Variants in ETV6 observed in about 807,000 individuals in gnomAD.
ETV6 encodes the protein ETS variant transcription factor 6, also known as transcription factor ETV6.
A neutral mutation model predicts 51.1 loss-of-function variants in ETV6; 16 were observed. The ratio of observed to expected loss-of-function variants is 0.31; its 90% confidence interval spans 0.21 to 0.48. The LOEUF (loss-of-function observed/expected upper bound fraction) is 0.48. Ranked by LOEUF, ETV6 falls within the 20% of genes least tolerant of loss-of-function variation. The pLI is 0.99. For synonymous variants in ETV6, 240 were observed against 224.1 expected (o/e 1.07, Z -0.64); for missense variants, 458 against 594.8 (o/e 0.77, Z 2.39).
At chr12:11,770,115 G>A (rs2136350748) in intron 2 of ETV6, among the ~76,000 whole-genome samples, 1 of 152,256 alleles carries the variant, frequency 6.6e-6, no homozygotes, top group East Asian at 1.9e-4. Flanking sequence ...CTTCTTCATA[G>A]CCGTTGCTCT....
chr12:11,796,975 C>T (rs1249534750), intron 2 of ETV6, among the ~76,000 whole-genome samples: 2 of 152,092 alleles, frequency 1.3e-5, no homozygotes, highest in Admixed American at 1.3e-4. Flanking sequence ...TTTGTAGACA[C>T]AAGGTCTCAC....
At chr12:11,714,471 A>G (rs1215654143) in intron 1 of ETV6, among the ~76,000 whole-genome samples, 5 of 152,122 alleles carry the variant, frequency 3.3e-5, no homozygotes, top group African/African-American at 1.2e-4. Context: ...CATGTATTTG[A>G]TTAGGGGCCT....
In ETV6 at chr12:11,811,417, G is replaced by A. The variant is rs115141792; in HGVS notation, c.164-27723G>A. ...GGTTTCAGATTTCCAGAAAGGACTC[G>A]CTGCCTTCGAAACACTTCCCAGCCC... On this transcript the variant is annotated intron_variant, in intron 2 of 7. Transcript: ENST00000396373. Among the ~76,000 whole-genome samples the A allele has an allele frequency of 8.0e-3, 1,218 of 152,274 alleles. 14 individuals are homozygous for A. The highest frequency in any genetic ancestry group is 0.028 in the African/African-American group (1,162 of 41,548).
chr12:11,824,996 A>G (rs1350309324), intron 2 of ETV6, among the ~76,000 whole-genome samples: 1 of 152,264 alleles, frequency 6.6e-6, no homozygotes, highest in Non-Finnish European at 1.5e-5. Flanking sequence ...TAGTGAGGTC[A>G]AATCCCACAC....
intron 1 of ETV6, among the ~76,000 whole-genome samples, chr12:11,742,202 A>T (rs1029928696): frequency 1.8e-4 from 27 of 152,238 alleles, no homozygotes; most frequent in Admixed American, 1.6e-3. Flanking sequence ...GTTGTCATGC[A>T]CACACACTTC....
chr12:11,819,314 G>A (rs1445832090), intron 2 of ETV6, among the ~76,000 whole-genome samples: 1 of 152,140 alleles, frequency 6.6e-6, no homozygotes, highest in Non-Finnish European at 1.5e-5. Context: ...AGATACCACT[G>A]TCCTCTGACT....
At chr12:11,661,802 CTT>C (rs1317680021) in intron 1 of ETV6, among the ~76,000 whole-genome samples, 1 of 152,206 alleles carries the variant, frequency 6.6e-6, no homozygotes, top group Non-Finnish European at 1.5e-5. Flanking sequence ...TGTTCTGCCT[CTT>C]TGCATTTCTG....
intron 5 of ETV6, among the ~76,000 whole-genome samples, chr12:11,871,043 G>A (rs1470281975): frequency 6.6e-6 from 1 of 152,042 alleles, no homozygotes; most frequent in Non-Finnish European, 1.5e-5. Context: ...AGGAGAGAAC[G>A]GACCTGTTCA....
chr12:11,884,949 T>A (rs556309643), intron 6 of ETV6, among the ~76,000 whole-genome samples: 1 of 152,248 alleles, frequency 6.6e-6, no homozygotes, highest in South Asian at 2.1e-4. Flanking sequence ...CTTTGGGAAG[T>A]GCCACTACTT....
chr12:11,791,970 C>T (rs2136388216), intron 2 of ETV6, among the ~76,000 whole-genome samples: 1 of 152,260 alleles, frequency 6.6e-6, no homozygotes, highest in Admixed American at 6.5e-5. Context: ...ATTTTGAGAA[C>T]CCCGTTGGGA....
intron 2 of ETV6, among the ~76,000 whole-genome samples, chr12:11,800,412 G>T (rs1945729863): frequency 6.6e-6 from 1 of 151,952 alleles, no homozygotes; most frequent in Non-Finnish European, 1.5e-5. Context: ...TGTTTTTTGT[G>T]GTGAGAACAT....
In ETV6 at chr12:11,893,351, T is replaced by G; in HGVS notation, c.*2305T>G. ...CAAGTGCAAGAACTCAGTCTCTTAC[T>G]GTTCAAAGAATCTTAACAGTTGAAT... On this transcript the variant is annotated 3_prime_UTR_variant, in exon 8 of 8. Coordinates refer to ENST00000396373, the MANE Select transcript of ETV6 (RefSeq NM_001987.5). The G allele has an allele frequency of 5.1e-6, 1 of 195,692 alleles. No individual in the cohort carries two copies. Among genetic ancestry groups the G allele is most frequent in the Non-Finnish European group, 9.9e-6 (1 of 100,822 alleles). The allele number at this position is 195,692 out of a possible 1,614,324, so 12.1% of individuals were successfully genotyped here.
chr12:11,753,651 G>A (rs993753146), intron 2 of ETV6, among the ~76,000 whole-genome samples: 1 of 152,230 alleles, frequency 6.6e-6, no homozygotes, highest in Admixed American at 6.5e-5. Flanking sequence ...AGGAGACAGA[G>A]GATGCAGGTT....
At chr12:11,843,511 T>G (rs919632277) in intron 3 of ETV6, among the ~76,000 whole-genome samples, 23 of 152,186 alleles carry the variant, frequency 1.5e-4, no homozygotes, top group African/African-American at 5.5e-4. Context: ...CCTTCCATTC[T>G]TAACAGTTCA....
intron 1 of ETV6, among the ~76,000 whole-genome samples, chr12:11,674,736 G>A (rs1191930178): frequency 6.6e-6 from 1 of 151,608 alleles, no homozygotes; most frequent in Non-Finnish European, 1.5e-5. Flanking sequence ...TTCCAGGAAA[G>A]CATGAGTGTC....
At chr12:11,784,862 A>ATTTTTT (rs34004409) in intron 2 of ETV6, among the ~76,000 whole-genome samples, 15 of 85,752 alleles carry the variant, frequency 1.7e-4, no homozygotes, top group South Asian at 8.9e-4. Context: ...TGCCTTGCTA[A>ATTTTTT]TTTTTTTTTT....
rs79663578 is a variant in ETV6, at chr12:11,891,471, T to A, written c.*425T>A. ...AAATATATATCTATTATATATATATTTTTTGCAAATCTCACAAAGTGCGGC... is the reference window on the plus strand; with the variant it reads ...AAATATATATCTATTATATATATATATTTTGCAAATCTCACAAAGTGCGGC... On this transcript the variant is annotated 3_prime_UTR_variant, in exon 8 of 8. Transcript: ENST00000396373. The A allele has an allele frequency of 8.6e-6, 4 of 463,712 alleles. No homozygotes were observed. Among genetic ancestry groups the A allele is most frequent in the Non-Finnish European group, 1.6e-5 (4 of 246,750 alleles). 28.7% of individuals were successfully genotyped at this position (463,712 alleles called of 1,614,324 possible).
At chr12:11,717,271 C>A (rs1014908732) in intron 1 of ETV6, among the ~76,000 whole-genome samples, 6 of 152,252 alleles carry the variant, frequency 3.9e-5, no homozygotes, top group Admixed American at 1.3e-4. Flanking sequence ...GCCACATTTT[C>A]AGCTTCAATA....
Position 11,751,318 on chromosome 12 carries a change from A to G in ETV6, c.34-1132A>G, listed in dbSNP as rs118084095. 4,795 of 518,694 alleles carry G rather than the reference A, an allele frequency of 9.2e-3. 44 individuals are homozygous for G. The highest frequency in any genetic ancestry group is 0.033 in the Middle Eastern group (105 of 3,146). 32.1% of individuals were successfully genotyped at this position (518,694 alleles called of 1,614,324 possible). A position where few individuals can be genotyped will look rare whatever the true frequency, so the allele number is the denominator to read the frequency against. On this transcript the variant is annotated intron_variant, in intron 1 of 7. Transcript: ENST00000396373. ...TAAACACTGCCTTCCCTTTACTTAA[A>G]TGTACGATTTTCTTTTGCTCTTGAG...
Sources: gnomAD v4.1 joint callset for allele counts (sites outside exome capture counted in the v4.1 genomes callset) on GRCh38, gnomAD v4.1.1 for gene constraint, MANE v1.5 for transcripts, NCBI Gene and HGNC (gene_info 2026-07-23, HGNC 2026-07-21) for gene names.